GABRB2: variants seen among roughly 807,000 people sequenced by gnomAD.
The protein encoded by GABRB2 is gamma-aminobutyric acid receptor subunit beta-2.
A neutral mutation model predicts 54.7 loss-of-function variants in GABRB2; 16 were observed. The ratio of observed to expected loss-of-function variants is 0.29; its 90% CI spans 0.20 to 0.44. GABRB2 has a LOEUF of 0.44. GABRB2 is among the 20% of genes least tolerant of loss of function. The pLI is 1.00. For synonymous variants in GABRB2, 244 were observed against 233.8 expected, an observed-to-expected ratio of 1.04 and a Z score of -0.40; for missense variants, 355 against 644.0, an observed-to-expected ratio of 0.55 and a Z score of 4.86.
At chr5:161,317,423 A>G (rs1337717477) in intron 9 of GABRB2, among the ~76,000 whole-genome samples, 1 of 152,222 alleles carries the variant, frequency 6.6e-6, no homozygotes, top group Non-Finnish European at 1.5e-5. Flanking sequence ...AAGGTTCTAA[A>G]ATAAGTGAAT....
intron 3 of GABRB2, among the ~76,000 whole-genome samples, chr5:161,499,328 T>C (rs1043116512): frequency 2.6e-5 from 4 of 152,114 alleles, no homozygotes; most frequent in Non-Finnish European, 5.9e-5. Context: ...GTAGCAAACA[T>C]GGGAACAGCA....
chr5:161,308,979 A>G (rs1204674907), intron 9 of GABRB2, among the ~76,000 whole-genome samples: 1 of 152,256 alleles, frequency 6.6e-6, no homozygotes, highest in Admixed American at 6.5e-5. Flanking sequence ...AGACACCAAA[A>G]GCAGTAACAA....
At chr5:161,403,695 AT>A (rs1756270769) in intron 5 of GABRB2, among the ~76,000 whole-genome samples, 2 of 152,186 alleles carry the variant, frequency 1.3e-5, no homozygotes, top group Non-Finnish European at 2.9e-5. Context: ...ACAAGTGACT[AT>A]GGAAAATGAG....
chr5:161,302,460 A>G (rs1442874850), intron 9 of GABRB2, among the ~76,000 whole-genome samples: 1 of 152,220 alleles, frequency 6.6e-6, no homozygotes, highest in South Asian at 2.1e-4. Flanking sequence ...GTGATAGTCT[A>G]TAGTCATATA....
At chr5:161,317,416 G>T (rs78865166) in intron 9 of GABRB2, among the ~76,000 whole-genome samples, 4,427 of 152,210 alleles carry the variant, frequency 0.029, 253 homozygotes, top group African/African-American at 0.1. Flanking sequence ...TGGGGAAAAG[G>T]TTCTAAAATA....
Position 161,412,743 on chromosome 5 carries a change from T to C in GABRB2, c.459-1686A>G, listed in dbSNP as rs576843383. On this transcript the variant is annotated intron_variant, in intron 4 of 9. Transcript: ENST00000393959. Reference sequence around the variant, plus strand: ...CCTAGAACACGTGTCTCCCTGATCTTTATAGAGCCCTTGCTCCTGATCCCT... The same window carrying C: ...CCTAGAACACGTGTCTCCCTGATCTCTATAGAGCCCTTGCTCCTGATCCCT... 1.8e-4 allele frequency among the ~76,000 whole-genome samples: 27 copies of C among 152,286 alleles called. No homozygotes were observed. The South Asian group carries it at 5.4e-3, about 30-fold the overall frequency.
intron 3 of GABRB2, among the ~76,000 whole-genome samples, chr5:161,528,592 A>T (rs1760356991): frequency 6.6e-6 from 1 of 151,776 alleles, no homozygotes; most frequent in African/African-American, 2.4e-5. Context: ...ACAAATGTTG[A>T]CCTTTTCAGA....
chr5:161,498,068 G>A (rs1759312995), intron 3 of GABRB2, among the ~76,000 whole-genome samples: 1 of 152,084 alleles, frequency 6.6e-6, no homozygotes, highest in South Asian at 2.1e-4. Flanking sequence ...TTGTTGAAAA[G>A]CTAACACATA....
intron 9 of GABRB2, 117 bp from the exon 10 acceptor site, chr5:161,294,545 C>T: frequency 1.3e-6 from 1 of 793,994 alleles, no homozygotes; most frequent in Non-Finnish European, 2.0e-6. Context: ...AGAGAGCTAC[C>T]TTTGCGATTA....
At chr5:161,417,493 T>G (rs144846178) in intron 4 of GABRB2, among the ~76,000 whole-genome samples, 1 of 152,208 alleles carries the variant, frequency 6.6e-6, no homozygotes, top group Non-Finnish European at 1.5e-5. Context: ...TTAACTAGAA[T>G]GTGGTAGCTA....
At chr5:161,376,049 A>G (rs966759100) in intron 5 of GABRB2, among the ~76,000 whole-genome samples, 6 of 152,192 alleles carry the variant, frequency 3.9e-5, no homozygotes, top group African/African-American at 1.4e-4. Context: ...TATTTATTCC[A>G]TAATACCCTC....
At chr5:161,347,882 C>T (rs1246115797) in intron 5 of GABRB2, among the ~76,000 whole-genome samples, 1 of 152,096 alleles carries the variant, frequency 6.6e-6, no homozygotes, top group Non-Finnish European at 1.5e-5. Flanking sequence ...GAATGATTTA[C>T]ACATCTTTAG....
chr5:161,314,841 C>T (rs897403122), intron 9 of GABRB2, among the ~76,000 whole-genome samples: 5 of 151,854 alleles, frequency 3.3e-5, no homozygotes, highest in African/African-American at 1.2e-4. Flanking sequence ...GATCTGCTAT[C>T]GATATATTGA....
At chr5:161,396,673 T>C (rs1756012615) in intron 5 of GABRB2, among the ~76,000 whole-genome samples, 1 of 152,192 alleles carries the variant, frequency 6.6e-6, no homozygotes, top group Non-Finnish European at 1.5e-5. Flanking sequence ...ACCAGCATAG[T>C]TGAATTATCA....
chr5:161,370,977 T>C (rs1435451787), intron 5 of GABRB2, among the ~76,000 whole-genome samples: 2 of 152,194 alleles, frequency 1.3e-5, no homozygotes, highest in East Asian at 3.9e-4. Flanking sequence ...AAAAATCATG[T>C]AGCAGTATGT....
chr5:161,314,996 T>C (rs1355730330), intron 9 of GABRB2, among the ~76,000 whole-genome samples: 1 of 152,166 alleles, frequency 6.6e-6, no homozygotes, highest in Non-Finnish European at 1.5e-5. Context: ...ATGTTAATAA[T>C]CCACTAGAGG....
intron 5 of GABRB2, among the ~76,000 whole-genome samples, chr5:161,346,870 A>T (rs1251724196): frequency 6.6e-6 from 1 of 152,070 alleles, no homozygotes; most frequent in African/African-American, 2.4e-5. Flanking sequence ...GAGATCATTC[A>T]TTCTTTAAAT....
At chr5:161,409,307 C>T (rs1756437752) in intron 5 of GABRB2, among the ~76,000 whole-genome samples, 1 of 151,950 alleles carries the variant, frequency 6.6e-6, no homozygotes, top group Non-Finnish European at 1.5e-5. Flanking sequence ...TAATATTGAC[C>T]TTATTTAACA....
intron 5 of GABRB2, among the ~76,000 whole-genome samples, chr5:161,356,970 G>C (rs1475430750): frequency 1.3e-5 from 2 of 152,126 alleles, no homozygotes; most frequent in Non-Finnish European, 2.9e-5. Flanking sequence ...TGGCACATTG[G>C]TCAAAACAAA....
Sources: allele counts gnomAD v4.1 joint callset (sites outside exome capture counted in the v4.1 genomes callset), GRCh38; gene constraint gnomAD v4.1.1; transcripts MANE v1.5; gene names NCBI Gene and HGNC (gene_info 2026-07-23, HGNC 2026-07-21).